RALGPS2: variants seen among roughly 807,000 people sequenced by gnomAD.
RALGPS2 encodes ras-specific guanine nucleotide-releasing factor RalGPS2.
RALGPS2 carries 43 observed loss-of-function variants against 86.8 expected under a neutral mutation model. The ratio of observed to expected loss-of-function variants is 0.50; its 90% confidence interval spans 0.39 to 0.64. RALGPS2 has a LOEUF of 0.64. RALGPS2 is among the 30% of genes least tolerant of loss of function. The pLI is 0.00. For synonymous variants in RALGPS2, 243 were observed against 231.3 expected (o/e 1.05, Z -0.46); for missense variants, 536 against 694.6 (o/e 0.77, Z 2.57).
At chr1:178,895,695 G>A (rs1183137430) in intron 16 of RALGPS2, among the ~76,000 whole-genome samples, 5 of 151,978 alleles carry the variant, frequency 3.3e-5, no homozygotes. Context: ...TAAACATGAT[G>A]TATGAGAGAA....
chr1:178,779,504 A>G (rs897556232), intron 2 of RALGPS2, among the ~76,000 whole-genome samples: 16 of 152,092 alleles, frequency 1.1e-4, no homozygotes, highest in South Asian at 4.1e-4. Flanking sequence ...TATGGTTTCA[A>G]TTGTTTTTGT....
intron 1 of RALGPS2, among the ~76,000 whole-genome samples, chr1:178,742,381 TA>T (rs752361785): frequency 6.6e-6 from 1 of 152,100 alleles, no homozygotes; most frequent in Admixed American, 6.6e-5. Context: ...TACAAAATGA[TA>T]AAGAGGGCAG....
intron 1 of RALGPS2, among the ~76,000 whole-genome samples, chr1:178,749,481 C>G (rs1316276488): frequency 6.6e-6 from 1 of 152,106 alleles, no homozygotes; most frequent in Non-Finnish European, 1.5e-5. Flanking sequence ...TTAGCATTTT[C>G]TTCTTTTTCG....
intron 8 of RALGPS2, among the ~76,000 whole-genome samples, chr1:178,856,323 G>A (rs928643572): frequency 6.9e-6 from 1 of 144,540 alleles, no homozygotes; most frequent in South Asian, 2.2e-4. Flanking sequence ...GAACTTCTGG[G>A]CTCAAGTGAT....
chr1:178,896,436 T>G (rs568649406), intron 16 of RALGPS2, among the ~76,000 whole-genome samples: 1 of 151,858 alleles, frequency 6.6e-6, no homozygotes, highest in Non-Finnish European at 1.5e-5. Context: ...ATGGAGTTAA[T>G]TGCAAAAGCA....
At chr1:178,730,427 G>A (rs372788033) in intron 1 of RALGPS2, among the ~76,000 whole-genome samples, 6 of 152,156 alleles carry the variant, frequency 3.9e-5, no homozygotes, top group African/African-American at 1.4e-4. Flanking sequence ...TTGTAAATAT[G>A]TTTACAGTGG....
chr1:178,751,379 G>A (rs1207890760), intron 1 of RALGPS2, among the ~76,000 whole-genome samples: 1 of 152,052 alleles, frequency 6.6e-6, no homozygotes, highest in Non-Finnish European at 1.5e-5. Context: ...TAAATACGAA[G>A]GAATTCTAGC....
intron 19 of RALGPS2, 88 bp from the exon 20 acceptor site, chr1:178,916,242 T>G (rs973790015): frequency 4.7e-6 from 5 of 1,054,528 alleles, no homozygotes; most frequent in African/African-American, 1.6e-5. Flanking sequence ...GTAGAAAGAT[T>G]GGGCTTGCCT....
chr1:178,771,113 A>G (rs1433019803), intron 1 of RALGPS2, among the ~76,000 whole-genome samples: 1 of 152,190 alleles, frequency 6.6e-6, no homozygotes, highest in African/African-American at 2.4e-5. Context: ...TGCTGGGATT[A>G]CAGGCGTGAG....
In RALGPS2 at chr1:178,912,023, C is replaced by A. The variant is rs144815855; in HGVS notation, c.1723-4307C>A. Among the ~76,000 whole-genome samples the A allele has an allele frequency of 3.4e-4, 51 of 152,190 alleles. No individual in the cohort carries two copies. In the Middle Eastern group the frequency reaches 0.01, roughly 30 times the overall value. ...TTGTATCTAATATAAGACTAGCAAC[C>A]TTTGTTCTTTTTTGTTTTCCATTTG... On this transcript the variant is annotated intron_variant, in intron 19 of 19. Transcript: ENST00000367635.
intron 4 of RALGPS2, among the ~76,000 whole-genome samples, chr1:178,799,021 A>G (rs1215608611): frequency 6.6e-6 from 1 of 152,120 alleles, no homozygotes; most frequent in Non-Finnish European, 1.5e-5. Flanking sequence ...GAGAATGGGT[A>G]TCTGCTTGAA....
intron 8 of RALGPS2, chr1:178,851,212 G>T: frequency 6.2e-7 from 1 of 1,613,826 alleles, no homozygotes; most frequent in Non-Finnish European, 8.5e-7. Context: ...ATTCCATCTT[G>T]GTGCTTGCTT....
chr1:178,775,405 G>A (rs533064555), intron 1 of RALGPS2, among the ~76,000 whole-genome samples: 29 of 152,198 alleles, frequency 1.9e-4, no homozygotes, highest in Admixed American at 3.9e-4. Flanking sequence ...ATGTAGCATA[G>A]AGTACCTAAT....
At chr1:178,757,018 G>T (rs983645361) in intron 1 of RALGPS2, among the ~76,000 whole-genome samples, 4 of 151,948 alleles carry the variant, frequency 2.6e-5, no homozygotes, top group African/African-American at 9.7e-5. Flanking sequence ...CTTGGTATTT[G>T]TTTGTTTGTT....
chr1:178,862,919 C>T (rs1658135957), intron 8 of RALGPS2, among the ~76,000 whole-genome samples: 1 of 152,120 alleles, frequency 6.6e-6, no homozygotes. Flanking sequence ...AGAGAGAAAA[C>T]AGAGTTACAC....
chr1:178,820,883 T>C (rs1262729200), intron 6 of RALGPS2, among the ~76,000 whole-genome samples: 1 of 152,194 alleles, frequency 6.6e-6, no homozygotes, highest in Middle Eastern at 3.2e-3. Context: ...TTTCTAGACC[T>C]GGGGCTTACC....
intron 7 of RALGPS2, among the ~76,000 whole-genome samples, chr1:178,821,919 T>C (rs906024353): frequency 2.0e-5 from 3 of 152,174 alleles, no homozygotes; most frequent in Non-Finnish European, 4.4e-5. Context: ...GTGCTTAGTT[T>C]TTGCTCCTTA....
At chr1:178,815,080 TTTTA>T (rs1295481425) in intron 6 of RALGPS2, among the ~76,000 whole-genome samples, 85 of 152,016 alleles carry the variant, frequency 5.6e-4, no homozygotes, top group African/African-American at 1.8e-3. Flanking sequence ...GTTTGTTTGT[TTTTA>T]TTTATTTATT....
intron 19 of RALGPS2, among the ~76,000 whole-genome samples, chr1:178,911,572 G>C (rs1047100615): frequency 3.9e-5 from 6 of 152,160 alleles, no homozygotes; most frequent in African/African-American, 1.2e-4. Context: ...TGTAGTCTGA[G>C]GCTATGGTTG....
Sources: allele counts gnomAD v4.1 joint callset (sites outside exome capture counted in the v4.1 genomes callset), GRCh38; gene constraint gnomAD v4.1.1; transcripts MANE v1.5; gene names NCBI Gene and HGNC (gene_info 2026-07-23, HGNC 2026-07-21).